The following CSMD1 variants were observed in gnomAD, a reference collection of about 807,000 sequenced individuals.
The protein encoded by CSMD1 is CUB and sushi domain-containing protein 1.
In CSMD1, 213 loss-of-function variants were observed where a neutral mutation model predicts 417.5. The ratio of observed to expected loss-of-function variants is 0.51; its 90% CI spans 0.46 to 0.57. The LOEUF (loss-of-function observed/expected upper bound fraction) is 0.57. Among genes scored for constraint, CSMD1 ranks in the 20% least tolerant of loss-of-function variants. The pLI, the probability that CSMD1 is intolerant of heterozygous loss-of-function variation, is 0.00. For missense variants in CSMD1, 6,923 were observed against 4,529.7 expected (o/e 1.53, Z -15.17); for synonymous variants, 2,862 against 1,736.8 (o/e 1.65, Z -16.11).
intron 6 of CSMD1, among the ~76,000 whole-genome samples, chr8:3,735,792 A>C (rs758504215): frequency 6.6e-6 from 1 of 152,202 alleles, no homozygotes; most frequent in Non-Finnish European, 1.5e-5. Flanking sequence ...GCTCCTTGCT[A>C]ATCTGGCCAA....
chr8:4,192,313 T>A (rs1291091167), intron 3 of CSMD1, among the ~76,000 whole-genome samples: 1 of 152,218 alleles, frequency 6.6e-6, no homozygotes, highest in Non-Finnish European at 1.5e-5. Flanking sequence ...GCAATTACAT[T>A]GTCCCATCAA....
At chr8:4,608,987 A>G (rs1008544279) in intron 2 of CSMD1, among the ~76,000 whole-genome samples, 2 of 151,780 alleles carry the variant, frequency 1.3e-5, no homozygotes, top group Non-Finnish European at 2.9e-5. Flanking sequence ...GAGGTGCTCA[A>G]AGGAATGTGG....
intron 7 of CSMD1, among the ~76,000 whole-genome samples, chr8:3,636,798 T>A (rs1281930320): frequency 6.6e-6 from 1 of 152,180 alleles, no homozygotes; most frequent in South Asian, 2.1e-4. Flanking sequence ...TTGAGTTTCA[T>A]ACGATCATAT....
intron 5 of CSMD1, among the ~76,000 whole-genome samples, chr8:3,800,547 C>G (rs1017330529): frequency 2.6e-5 from 4 of 152,108 alleles, no homozygotes; most frequent in African/African-American, 9.7e-5. Context: ...TAGAGGTATG[C>G]AATGGCTTGG....
At chr8:3,342,767 A>G (rs1807743188) in intron 23 of CSMD1, among the ~76,000 whole-genome samples, 1 of 152,186 alleles carries the variant, frequency 6.6e-6, no homozygotes, top group Non-Finnish European at 1.5e-5. Context: ...GCAAGTATTC[A>G]AAGTATTCCT....
chr8:4,484,995 AAAAAAAAAAAAAAAAAAAAAAAAAAG>A (rs1015267347), intron 2 of CSMD1, among the ~76,000 whole-genome samples: 2 of 28,080 alleles, frequency 7.1e-5, no homozygotes, highest in African/African-American at 1.9e-4. Context: ...AAAAAAAAAA[AAAAAAAAAAAAAAAAAAAAAAAAAAG>A]AAAGAGTCAC....
At chr8:3,692,225 G>C (rs1183600169) in intron 7 of CSMD1, among the ~76,000 whole-genome samples, 2 of 152,094 alleles carry the variant, frequency 1.3e-5, no homozygotes, top group East Asian at 3.9e-4. Context: ...TGTCCTGGGG[G>C]CAAAATCCTT....
chr8:3,020,856 T>C (rs1193374166), intron 51 of CSMD1, among the ~76,000 whole-genome samples: 3 of 152,230 alleles, frequency 2.0e-5, no homozygotes, highest in Admixed American at 6.5e-5. Context: ...TGCTAAACTA[T>C]TACAGTGTCA....
At chr8:4,145,141 C>T (rs1258422798) in intron 3 of CSMD1, among the ~76,000 whole-genome samples, 1 of 151,044 alleles carries the variant, frequency 6.6e-6, no homozygotes, top group Admixed American at 6.6e-5. Context: ...ATAGTTTAGA[C>T]ACATGTAATA....
At chr8:4,363,439 A>C (rs912522416) in intron 3 of CSMD1, among the ~76,000 whole-genome samples, 1 of 152,136 alleles carries the variant, frequency 6.6e-6, no homozygotes, top group African/African-American at 2.4e-5. Context: ...TGCTCCCCTC[A>C]TTTAGGGTCT....
intron 3 of CSMD1, among the ~76,000 whole-genome samples, chr8:4,062,728 C>G (rs1199447625): frequency 6.8e-6 from 1 of 146,454 alleles, no homozygotes; most frequent in Admixed American, 6.9e-5. Flanking sequence ...TCAGCATTAT[C>G]AAATTCAAAA....
rs114552253 is a variant in CSMD1, at chr8:4,172,317, C to A, written c.416-140218G>T. Among the ~76,000 whole-genome samples the A allele has an allele frequency of 5.3e-3, 809 of 152,082 alleles. 9 individuals carry two copies. The highest frequency in any genetic ancestry group is 0.017 in the African/African-American group (719 of 41,458). Reference sequence around the variant, plus strand: ...GTAACCACTGAGCAGGTGTGGCTACCGAGATATGACTAGTGTCATTGAGAA... The same window carrying A: ...GTAACCACTGAGCAGGTGTGGCTACAGAGATATGACTAGTGTCATTGAGAA... On this transcript the variant is annotated intron_variant, in intron 3 of 69. Transcript: ENST00000635120.
intron 13 of CSMD1, among the ~76,000 whole-genome samples, chr8:3,408,660 G>A (rs569245467): frequency 7.9e-4 from 120 of 151,902 alleles, no homozygotes; most frequent in African/African-American, 2.7e-3. Context: ...ATTTTCTCCA[G>A]TAATTTAAAA....
intron 2 of CSMD1, among the ~76,000 whole-genome samples, chr8:4,527,438 C>T (rs969638115): frequency 6.6e-6 from 1 of 152,156 alleles, no homozygotes; most frequent in South Asian, 2.1e-4. Context: ...ATTGCCTTTA[C>T]CTATCCTTCT....
At chr8:3,225,396 T>TA (rs2116879847) in intron 27 of CSMD1, among the ~76,000 whole-genome samples, 1 of 152,068 alleles carries the variant, frequency 6.6e-6, no homozygotes, top group South Asian at 2.1e-4. Context: ...TATGACTTTT[T>TA]TTTTTTTTAA....
At chr8:3,776,030 T>G (rs377028237) in intron 5 of CSMD1, among the ~76,000 whole-genome samples, 4 of 152,160 alleles carry the variant, frequency 2.6e-5, no homozygotes, top group East Asian at 1.9e-4. Context: ...GACTCTCTAT[T>G]CCATGTGCTG....
chr8:4,479,337 A>T (rs1464219723), intron 2 of CSMD1, among the ~76,000 whole-genome samples: 2 of 152,166 alleles, frequency 1.3e-5, no homozygotes. Flanking sequence ...TATACAGTTG[A>T]ACAGCTGCAC....
At chr8:4,015,587 C>G (rs990256182) in intron 4 of CSMD1, among the ~76,000 whole-genome samples, 4 of 145,452 alleles carry the variant, frequency 2.8e-5, no homozygotes, top group Admixed American at 1.4e-4. Flanking sequence ...TTAGTGGCAT[C>G]TTGGCCCAAT....
chr8:4,828,320 T>C (rs1228787927), intron 1 of CSMD1, among the ~76,000 whole-genome samples: 1 of 152,194 alleles, frequency 6.6e-6, no homozygotes, highest in Non-Finnish European at 1.5e-5. Flanking sequence ...TGACTTTTCT[T>C]ATAGCCACAA....
Sources: gnomAD v4.1 joint callset for allele counts (sites outside exome capture counted in the v4.1 genomes callset) on GRCh38, gnomAD v4.1.1 for gene constraint, MANE v1.5 for transcripts, NCBI Gene and HGNC (gene_info 2026-07-23, HGNC 2026-07-21) for gene names.